RGL1: variants seen among roughly 807,000 people sequenced by gnomAD.
RGL1 encodes the protein ral guanine nucleotide dissociation stimulator like 1.
RGL1 carries 24 observed loss-of-function variants against 95.2 expected under a neutral mutation model. The ratio of observed to expected loss-of-function variants is 0.25; its 90% confidence interval spans 0.18 to 0.35. RGL1 has a LOEUF of 0.35. RGL1 is among the 10% of genes least tolerant of loss of function. RGL1 has a pLI of 1.00. For synonymous variants in RGL1, 329 were observed against 344.9 expected (o/e 0.95, Z 0.51); for missense variants, 715 against 936.3 (o/e 0.76, Z 3.08).
chr1:183,645,980 C>T (rs1164442811), intron 1 of RGL1, among the ~76,000 whole-genome samples: 1 of 152,142 alleles, frequency 6.6e-6, no homozygotes, highest in Non-Finnish European at 1.5e-5. Context: ...CACTGATATC[C>T]AGGTTCAGTT....
rs564897772 is a variant in RGL1, at chr1:183,821,460, A to G, written c.138+14975A>G. ...GTATTTTTTCTTTTTACTATGAATC[A>G]TGGCTAAAAAGTTTGAAGATTAGTA... On this transcript the variant is annotated intron_variant, in intron 2 of 17. Coordinates refer to ENST00000360851, the MANE Select transcript of RGL1 (RefSeq NM_001297671.3). Among the ~76,000 whole-genome samples the G allele has an allele frequency of 7.2e-5, 11 of 152,324 alleles. No homozygotes were observed. The South Asian group carries it at 2.3e-3, about 32-fold the overall frequency.
intron 2 of RGL1, among the ~76,000 whole-genome samples, chr1:183,772,045 G>GC (rs1659308196): frequency 6.6e-6 from 1 of 152,228 alleles, no homozygotes; most frequent in Admixed American, 6.5e-5. Flanking sequence ...AGCGCCCGCT[G>GC]CCCAGCGGCC....
intron 4 of RGL1, among the ~76,000 whole-genome samples, chr1:183,872,686 G>A (rs922313130): frequency 6.6e-5 from 10 of 152,222 alleles, no homozygotes; most frequent in Non-Finnish European, 1.3e-4. Flanking sequence ...AGGAGTTAAA[G>A]GAAGTTGGCT....
intron 17 of RGL1, among the ~76,000 whole-genome samples, chr1:183,924,657 AAGTG>A (rs1180502028): frequency 1.3e-5 from 2 of 152,018 alleles, no homozygotes; most frequent in African/African-American, 4.8e-5. Context: ...ACAAAAATAA[AAGTG>A]AGGCTGGGCA....
At chr1:183,918,198 A>G (rs996083568) in intron 16 of RGL1, among the ~76,000 whole-genome samples, 2 of 152,194 alleles carry the variant, frequency 1.3e-5, no homozygotes, top group African/African-American at 4.8e-5. Flanking sequence ...TGTCTGATAG[A>G]TGGTCAGAAA....
chr1:183,912,083 C>T lies in RGL1; in HGVS notation c.1564C>T (p.Leu522=), dbSNP rs777694952. 11 of 1,609,266 alleles carry T rather than the reference C, an allele frequency of 6.8e-6. No individual in the cohort carries two copies. In the African/African-American group the frequency reaches 1.5e-4, roughly 22 times the overall value. ...GCTTGGCATTCTGTTTTTTTCCAGA[C>T]TGTTTCTAGGGTCTGACATGATCAC... The part of the protein sequence containing the change: ...RKSMVKRLSL[L]FLGSDMITSP... The change falls in exon 15 of 18, where the codon CTG becomes TTG. Residue 522 remains leucine, a splice_region_variant and synonymous_variant. Transcript: ENST00000360851.
At chr1:183,691,966 T>C (rs1449967349) in intron 1 of RGL1, among the ~76,000 whole-genome samples, 1 of 151,754 alleles carries the variant, frequency 6.6e-6, no homozygotes, top group Non-Finnish European at 1.5e-5. Context: ...AAATGTATTA[T>C]CACTTCTGTG....
intron 2 of RGL1, among the ~76,000 whole-genome samples, chr1:183,782,073 A>C (rs1659929749): frequency 6.6e-6 from 1 of 152,214 alleles, no homozygotes; most frequent in South Asian, 2.1e-4. Flanking sequence ...CAATAGAATA[A>C]ATCTTCTTTC....
At chr1:183,836,066 G>A (rs993857012) in intron 2 of RGL1, among the ~76,000 whole-genome samples, 4 of 152,172 alleles carry the variant, frequency 2.6e-5, no homozygotes, top group Non-Finnish European at 5.9e-5. Context: ...GTTTCCTTAA[G>A]TGGGAATAAT....
chr1:183,726,050 T>C (rs1311305389), intron 1 of RGL1, among the ~76,000 whole-genome samples: 4 of 151,994 alleles, frequency 2.6e-5, no homozygotes, highest in Non-Finnish European at 4.4e-5. Context: ...ATAGCATACA[T>C]TGAAGTAATT....
chr1:183,853,057 T>C (rs1052784839), intron 3 of RGL1, among the ~76,000 whole-genome samples: 3 of 151,930 alleles, frequency 2.0e-5, no homozygotes, highest in Admixed American at 6.6e-5. Flanking sequence ...CAGAATGAGC[T>C]GAGTGCAGTG....
intron 1 of RGL1, among the ~76,000 whole-genome samples, chr1:183,641,927 G>T (rs1649952217): frequency 6.6e-6 from 1 of 151,858 alleles, no homozygotes; most frequent in Non-Finnish European, 1.5e-5. Flanking sequence ...CCAATTTATT[G>T]GCAAGAAGTT....
chr1:183,697,992 C>T (rs1338609657), intron 1 of RGL1, among the ~76,000 whole-genome samples: 3 of 152,138 alleles, frequency 2.0e-5, no homozygotes, highest in Admixed American at 1.3e-4. Context: ...AGGGTATTTT[C>T]CCCTCCTTGT....
intron 2 of RGL1, among the ~76,000 whole-genome samples, chr1:183,789,236 G>A (rs905982232): frequency 6.6e-6 from 1 of 152,140 alleles, no homozygotes; most frequent in Admixed American, 6.5e-5. Context: ...CTGAGATCAG[G>A]AGTTCGAGAG....
intron 1 of RGL1, among the ~76,000 whole-genome samples, chr1:183,668,345 C>T (rs1311654794): frequency 6.6e-6 from 1 of 152,082 alleles, no homozygotes; most frequent in East Asian, 1.9e-4. Flanking sequence ...GAGTTTTTTT[C>T]TATCAACACT....
At chr1:183,826,058 C>T (rs1662828916) in intron 2 of RGL1, among the ~76,000 whole-genome samples, 2 of 79,396 alleles carry the variant, frequency 2.5e-5, no homozygotes, top group South Asian at 7.5e-4. Context: ...CTCTGTCTCT[C>T]TCTTTTTTTT....
intron 16 of RGL1, among the ~76,000 whole-genome samples, chr1:183,919,055 T>C (rs1669159909): frequency 6.6e-6 from 1 of 152,238 alleles, no homozygotes; most frequent in African/African-American, 2.4e-5. Flanking sequence ...AGCTCCAGAC[T>C]ATGTGGGTTG....
intron 2 of RGL1, among the ~76,000 whole-genome samples, chr1:183,812,303 A>G (rs1432204297): frequency 4.6e-5 from 7 of 152,180 alleles, no homozygotes; most frequent in African/African-American, 1.4e-4. Context: ...TGGGTTGCCA[A>G]TGGGTGTGGC....
At chr1:183,710,390 G>C (rs886833897) in intron 1 of RGL1, 3 of 153,640 alleles carry the variant, frequency 2.0e-5, no homozygotes, top group African/African-American at 7.2e-5. Flanking sequence ...GTCAGGAAAG[G>C]CACTGGTGGT....
Sources: allele counts gnomAD v4.1 joint callset (sites outside exome capture counted in the v4.1 genomes callset), GRCh38; gene constraint gnomAD v4.1.1; transcripts MANE v1.5; gene names NCBI Gene and HGNC (gene_info 2026-07-23, HGNC 2026-07-21).